Variants in HSD17B3 observed in about 807,000 individuals in gnomAD.
The protein encoded by HSD17B3 is hydroxysteroid 17-beta dehydrogenase 3.
A neutral mutation model predicts 41.1 loss-of-function variants in HSD17B3; 29 were observed. The ratio of observed to expected loss-of-function variants is 0.71; its 90% CI spans 0.53 to 0.96. The LOEUF is 0.96. Among genes scored for constraint, HSD17B3 ranks in the 40% least tolerant of loss-of-function variants. The probability of loss-of-function intolerance (pLI) is 0.00; values close to 1 mark genes in which losing one functional copy is unlikely to be tolerated. For missense variants in HSD17B3, 323 were observed against 374.6 expected, an observed-to-expected ratio of 0.86 and a Z score of 1.14; for synonymous variants, 126 against 145.6, an observed-to-expected ratio of 0.87 and a Z score of 0.97.
At chr9:96,284,274 A>G (rs1826823848) in intron 2 of HSD17B3, among the ~76,000 whole-genome samples, 1 of 149,338 alleles carries the variant, frequency 6.7e-6, no homozygotes, top group Non-Finnish European at 1.5e-5. Context: ...TTTTGCTTAA[A>G]ATGTTACTGT....
chr9:96,250,183 G>A (rs576478012), intron 5 of HSD17B3: 2 of 1,156,360 alleles, frequency 1.7e-6, no homozygotes, highest in East Asian at 7.7e-5. Flanking sequence ...GAGGTTCTGG[G>A]CTATGGAGGG....
chr9:96,257,093 T>TCCGAAG (rs2130737707), intron 2 of HSD17B3, among the ~76,000 whole-genome samples: 1 of 152,198 alleles, frequency 6.6e-6, no homozygotes, highest in Non-Finnish European at 1.5e-5. Flanking sequence ...TCCTGAGGCC[T>TCCGAAG]CCGAAGCCGA....
chr9:96,292,415 G>A (rs1293741360), intron 2 of HSD17B3, among the ~76,000 whole-genome samples: 3 of 152,126 alleles, frequency 2.0e-5, no homozygotes, highest in Admixed American at 6.6e-5. Flanking sequence ...CACCTAAGCT[G>A]GAGTGCAATG....
chr9:96,255,006 A>C, intron 2 of HSD17B3, 63 bp from the exon 3 acceptor site: 2 of 1,405,160 alleles, frequency 1.4e-6, no homozygotes, highest in Non-Finnish European at 2.0e-6. Flanking sequence ...GGCTTGTGTT[A>C]AGGTGACTTG....
At chr9:96,268,380 A>G (rs1409519434) in intron 2 of HSD17B3, among the ~76,000 whole-genome samples, 1 of 152,202 alleles carries the variant, frequency 6.6e-6, no homozygotes, top group Admixed American at 6.5e-5. Flanking sequence ...TTGAAAAGTT[A>G]GGTGAAAGGG....
Position 96,299,598 on chromosome 9 carries a change from C to G in HSD17B3, c.155-1136G>C, listed in dbSNP as rs140985776. Reference sequence around the variant, plus strand: ...TAGATGCATCATCTCATTTAATGTTCAAAACAAACCTAAAATGCAGGGACC... The same window carrying G: ...TAGATGCATCATCTCATTTAATGTTGAAAACAAACCTAAAATGCAGGGACC... On this transcript the variant is annotated intron_variant, in intron 1 of 10. Transcript: ENST00000375263. Among the ~76,000 whole-genome samples, 8 of 152,224 alleles carry G rather than the reference C, an allele frequency of 5.3e-5. No homozygotes were observed. In the East Asian group the frequency reaches 1.4e-3, roughly 26 times the overall value.
intron 2 of HSD17B3, among the ~76,000 whole-genome samples, chr9:96,297,057 C>T (rs528414831): frequency 4.7e-5 from 7 of 150,506 alleles, no homozygotes; most frequent in African/African-American, 1.7e-4. Flanking sequence ...ACAGTTTTGA[C>T]ATAAGAAAAT....
chr9:96,257,853 G>T (rs1282274145), intron 2 of HSD17B3, among the ~76,000 whole-genome samples: 1 of 152,156 alleles, frequency 6.6e-6, no homozygotes, highest in Non-Finnish European at 1.5e-5. Flanking sequence ...TTGTAGAAAT[G>T]AGGTCTCACT....
chr9:96,278,632 G>A (rs1477184100), intron 2 of HSD17B3, among the ~76,000 whole-genome samples: 2 of 152,110 alleles, frequency 1.3e-5, no homozygotes, highest in Non-Finnish European at 2.9e-5. Flanking sequence ...CACTCCCTAA[G>A]GGAACTCTGT....
intron 2 of HSD17B3, among the ~76,000 whole-genome samples, chr9:96,260,434 A>G (rs1262497660): frequency 6.6e-6 from 1 of 152,178 alleles, no homozygotes; most frequent in East Asian, 1.9e-4. Flanking sequence ...CTTGCCCTTA[A>G]GCTTTCAAAT....
At chr9:96,278,003 A>G (rs916737434) in intron 2 of HSD17B3, among the ~76,000 whole-genome samples, 1 of 152,222 alleles carries the variant, frequency 6.6e-6, no homozygotes, top group African/African-American at 2.4e-5. Flanking sequence ...CAAATACTGC[A>G]TGATCTCACT....
chr9:96,255,881 C>T (rs988604513), intron 2 of HSD17B3, among the ~76,000 whole-genome samples: 3 of 152,146 alleles, frequency 2.0e-5, no homozygotes, highest in African/African-American at 7.2e-5. Context: ...TGCCTGGACT[C>T]CAGAGGGCTG....
chr9:96,270,089 A>G (rs1826185301), intron 2 of HSD17B3, among the ~76,000 whole-genome samples: 1 of 152,196 alleles, frequency 6.6e-6, no homozygotes, highest in African/African-American at 2.4e-5. Context: ...GGGTGAGGGA[A>G]GGTAAACATA....
chr9:96,261,900 G>A (rs148256832), intron 2 of HSD17B3, among the ~76,000 whole-genome samples: 19 of 152,348 alleles, frequency 1.2e-4, no homozygotes, highest in African/African-American at 4.6e-4. Context: ...GGTCCTAGCT[G>A]TGGGGAGGGG....
chr9:96,251,460 G>A lies in HSD17B3; in HGVS notation c.411C>T (p.Asn137=). 6.2e-7 allele frequency: 1 copy of A among 1,614,180 alleles called. No homozygotes were observed. Among genetic ancestry groups the A allele is most frequent in the Non-Finnish European group, 8.5e-7 (1 of 1,180,008 alleles). Residue 137 remains asparagine (N), a synonymous_variant, in exon 5 of 11, where the codon AAC becomes AAT. Coordinates refer to ENST00000375263, the MANE Select transcript of HSD17B3 (RefSeq NM_000197.2). ...CGTTCAGGAAATGGCTTGGGAGAAG[G>A]TTTGGAAGCATTCCGACATTGTTGA... ...ILVNNVGMLP[N]LLPSHFLNAP... is the part of the protein sequence containing the mutation.
chr9:96,268,611 A>G (rs1281467719), intron 2 of HSD17B3, among the ~76,000 whole-genome samples: 4 of 152,198 alleles, frequency 2.6e-5, no homozygotes, highest in African/African-American at 9.6e-5. Flanking sequence ...TCAAAGAATA[A>G]AACACCTCTA....
intron 2 of HSD17B3, among the ~76,000 whole-genome samples, chr9:96,276,047 A>G (rs1826438643): frequency 7.0e-6 from 1 of 142,174 alleles, no homozygotes; most frequent in African/African-American, 2.6e-5. Flanking sequence ...TCAAGGCTGC[A>G]GTGAGTCATG....
chr9:96,242,016 GAAAGA>G (rs1047323953), intron 9 of HSD17B3, among the ~76,000 whole-genome samples: 2 of 131,378 alleles, frequency 1.5e-5, no homozygotes, highest in African/African-American at 5.8e-5. Context: ...AGAAAGAAAA[GAAAGA>G]AAAGAAAAAG....
intron 5 of HSD17B3, 39 bp downstream of exon 5, chr9:96,251,379 G>A: frequency 1.3e-6 from 2 of 1,575,654 alleles, no homozygotes; most frequent in South Asian, 1.1e-5. Context: ...CCCAGAACCT[G>A]GATAAGAGGA....
Sources: allele counts gnomAD v4.1 joint callset (sites outside exome capture counted in the v4.1 genomes callset), GRCh38; gene constraint gnomAD v4.1.1; transcripts MANE v1.5; gene names NCBI Gene and HGNC (gene_info 2026-07-23, HGNC 2026-07-21).